Variants in PTGS2 observed in about 807,000 individuals in gnomAD.
PTGS2 encodes the protein prostaglandin G/H synthase 2.
In PTGS2, 14 loss-of-function variants were observed where a neutral mutation model predicts 63.8. The ratio of observed to expected loss-of-function variants is 0.22; its 90% CI spans 0.14 to 0.34. The LOEUF (loss-of-function observed/expected upper bound fraction) is 0.34. PTGS2 is among the 10% of genes least tolerant of loss of function. PTGS2 has a pLI of 1.00. For missense variants in PTGS2, 533 were observed against 738.5 expected (o/e 0.72, Z 3.23); for synonymous variants, 271 against 259.5 (o/e 1.04, Z -0.43).
intron 5 of PTGS2, 61 bp from the exon 6 acceptor site, chr1:186,676,977 C>A: frequency 2.5e-6 from 3 of 1,185,034 alleles, no homozygotes; most frequent in South Asian, 1.4e-5. Context: ...TATAAAGTGT[C>A]TATCATATAA....
intron 6 of PTGS2, 27 bp from the exon 7 acceptor site, chr1:186,676,740 A>G: frequency 2.5e-6 from 4 of 1,599,252 alleles, no homozygotes; most frequent in Non-Finnish European, 3.4e-6. Context: ...ATAAATAAAC[A>G]TCAGTTAAAA....
chr1:186,678,976 G>A (rs930517459), intron 3 of PTGS2, 82 bp downstream of exon 3: 11 of 1,459,368 alleles, frequency 7.5e-6, no homozygotes, highest in Non-Finnish European at 1.0e-5. Flanking sequence ...TTGGAAATAT[G>A]TTTTTAGATT....
Position 186,672,725 on chromosome 1 carries a change from G to A in PTGS2, c.*1628C>T, listed in dbSNP as rs200482826. On this transcript the variant is annotated 3_prime_UTR_variant, in exon 10 of 10. Transcript: ENST00000367468. ...TGGTTTTGTTTTTAAATAAGAAAGGGCATTAATTAGAATGGGAACGTAACT... is the reference window on the plus strand; with the variant it reads ...TGGTTTTGTTTTTAAATAAGAAAGGACATTAATTAGAATGGGAACGTAACT... 1.2e-4 allele frequency: 18 copies of A among 152,460 alleles called. No individual in the cohort carries two copies. The highest frequency in any genetic ancestry group is 2.6e-4 in the Non-Finnish European group (18 of 67,970). 9.4% of individuals were successfully genotyped at this position (152,460 alleles called of 1,614,324 possible). A position where few individuals can be genotyped will look rare whatever the true frequency, so the allele number is the denominator to read the frequency against.
Position 186,675,328 on chromosome 1 carries a change from C to A in PTGS2, c.1326G>T (p.Arg442Ser). 6.2e-7 allele frequency: 1 copy of A among 1,614,190 alleles called. No homozygotes were observed. Among genetic ancestry groups the A allele is most frequent in the South Asian group, 1.1e-5 (1 of 91,084 alleles). ...CATTAAAAGACTGGTATTTCATCTG[C>A]CTGCTCTGGTCAATGGAAGCCTGTG... ...KVSQASIDQS[R>S]QMKYQSFNEY... Residue 442 changes from arginine (R) to serine (S), a missense_variant, in exon 9 of 10, where the codon AGG (arginine) becomes AGT (serine). Coordinates refer to ENST00000367468, the MANE Select transcript of PTGS2 (RefSeq NM_000963.4).
At chr1:186,679,743 C>G (rs1208925676) in intron 1 of PTGS2, among the ~76,000 whole-genome samples, 18 of 151,956 alleles carry the variant, frequency 1.2e-4, no homozygotes, top group African/African-American at 4.1e-4. Context: ...CTTCACTTTC[C>G]AAATTAAAAT....
rs1558250392 is a variant in PTGS2, at chr1:186,678,419, G to C, written c.314-15C>G. On this transcript the variant is annotated splice_polypyrimidine_tract_variant and intron_variant, in intron 3 of 9. Coordinates refer to ENST00000367468, the MANE Select transcript of PTGS2 (RefSeq NM_000963.4). Reference sequence around the variant, plus strand: ...ATGTGATCTGGCTGAAATTTTCAAAGAAAAAAATGTTTTATTTATTCTCAT... The same window carrying C: ...ATGTGATCTGGCTGAAATTTTCAAACAAAAAAATGTTTTATTTATTCTCAT... 4 of 1,566,194 alleles carry C rather than the reference G, an allele frequency of 2.6e-6. No individual in the cohort carries two copies. In the Admixed American group the frequency reaches 5.9e-5, roughly 23 times the overall value.
At chr1:186,675,142 A>G in intron 9 of PTGS2, 107 bp downstream of exon 9, 1 of 1,431,030 alleles carries the variant, frequency 7.0e-7, no homozygotes, top group South Asian at 1.2e-5. Context: ...GCGCCACTGC[A>G]CTCCAGCCTG....
chr1:186,676,458 C>T lies in PTGS2; in HGVS notation c.970+9G>A. The stretch of plus-strand genomic sequence containing the variant: ...AAGAGGGTTTTATATAAATCATTTT[C>T]TTGTTTACCTATCAGTATTAGCCTG... On this transcript the variant is annotated intron_variant, in intron 7 of 9. Transcript: ENST00000367468. 1 of 1,611,456 alleles carries T rather than the reference C, an allele frequency of 6.2e-7. No individual in the cohort carries two copies. The highest frequency in any genetic ancestry group is 8.5e-7 in the Non-Finnish European group (1 of 1,178,184).
chr1:186,679,068 A>G lies in PTGS2; in HGVS notation c.303T>C (p.Tyr101=), dbSNP rs147896616. 2.0e-5 allele frequency: 33 copies of G among 1,613,676 alleles called. No homozygotes were observed. The highest frequency in any genetic ancestry group is 1.5e-5 in the Non-Finnish European group (18 of 1,179,896). ...GACACTTGTACTTACATGTCAACAC[A>G]TAACTCATAATTGCATTTCGAAGGA... ...IPFLRNAIMS[Y]VLTSRSHLID... The change falls in exon 3 of 10, where the codon TAT becomes TAC. Residue 101 remains tyrosine, a synonymous_variant. Transcript: ENST00000367468.
Position 186,676,284 on chromosome 1 carries a change from C to T in PTGS2, c.971-100G>A. 2.2e-6 allele frequency: 3 copies of T among 1,385,674 alleles called. No individual in the cohort carries two copies. The South Asian group carries it at 4.3e-5, about 20-fold the overall frequency. The allele number at this position is 1,385,674 out of a possible 1,614,324, so 85.8% of individuals were successfully genotyped here. On this transcript the variant is annotated intron_variant, in intron 7 of 9. Transcript: ENST00000367468. The stretch of plus-strand genomic sequence containing the variant: ...TTTAAAATTTGCTATTCCTTCATTT[C>T]TGTTTTCTTCCTTGTCAGTATCAAA...
In PTGS2 at chr1:186,676,722, AT is replaced by A. The variant is rs199545927; in HGVS notation, c.724-10del. ...ATCTCTCCATCAATTATCTAAAAAAATAAATAAATAAATAAACATCAGTTAA... is the reference window on the plus strand; with the variant it reads ...ATCTCTCCATCAATTATCTAAAAAAAAAATAAATAAATAAACATCAGTTAA... On this transcript the variant is annotated splice_polypyrimidine_tract_variant and intron_variant, in intron 6 of 9. Coordinates refer to ENST00000367468, the MANE Select transcript of PTGS2 (RefSeq NM_000963.4). The A allele has an allele frequency of 3.2e-4, 466 of 1,448,750 alleles. 4 individuals carry two copies. In the East Asian group the frequency reaches 9.8e-3, roughly 31 times the overall value. 89.7% of individuals were successfully genotyped at this position (1,448,750 alleles called of 1,614,324 possible).
At position 186,674,552 on chromosome 1, in the gene PTGS2, TCTC is replaced by T. The variant is rs1665746502; in HGVS notation, c.1613_1615del (p.Gly538del). The stretch of plus-strand genomic sequence containing the variant: ...AGTGTTGATGATTTGAAAACCCACT[TCTC>T]CACCAAAAGTGCTTGGCTTCCAGTA... On this transcript the variant is annotated inframe_deletion, in exon 10 of 10. Coordinates refer to ENST00000367468, the MANE Select transcript of PTGS2 (RefSeq NM_000963.4). 5.0e-6 allele frequency: 8 copies of T among 1,614,180 alleles called. No homozygotes were observed. The highest frequency in any genetic ancestry group is 6.8e-6 in the Non-Finnish European group (8 of 1,180,020).
At chr1:186,679,501 A>G (rs1043519847) in intron 1 of PTGS2, 63 bp from the exon 2 acceptor site, 2 of 1,211,614 alleles carry the variant, frequency 1.7e-6, no homozygotes, top group East Asian at 4.8e-5. Context: ...TAAACATTTA[A>G]TTGTTTGACT....
chr1:186,676,959 T>G, intron 5 of PTGS2, 43 bp from the exon 6 acceptor site: 1 of 1,435,824 alleles, frequency 7.0e-7, no homozygotes, highest in African/African-American at 1.4e-5. Context: ...CTGTTGAAGT[T>G]TTTCTTATAT....
Position 186,674,604 on chromosome 1 carries a change from C to T in PTGS2, c.1564G>A (p.Gly522Ser). Residue 522 changes from glycine to serine, a missense_variant, in exon 10 of 10, where the codon GGT (glycine) becomes AGT (serine). Coordinates refer to ENST00000367468, the MANE Select transcript of PTGS2 (RefSeq NM_000963.4). ...GAPFSLKGLM[G>S]NVICSPAYWK... The stretch of plus-strand genomic sequence containing the variant: ...TAGGCAGGAGAACATATAACATTAC[C>T]CATAAGTCCTTTCAAGGAGAATGGT... 1.2e-6 allele frequency: 2 copies of T among 1,614,140 alleles called. No individual in the cohort carries two copies. Among genetic ancestry groups the T allele is most frequent in the African/African-American group, 1.3e-5 (1 of 75,030 alleles).
At position 186,674,342 on chromosome 1, in the gene PTGS2, T is replaced by C; in HGVS notation, c.*11A>G. The C allele has an allele frequency of 6.6e-7, 1 of 1,511,056 alleles. No individual in the cohort carries two copies. Among genetic ancestry groups the C allele is most frequent in the Admixed American group, 2.0e-5 (1 of 50,390 alleles). 93.6% of individuals were successfully genotyped at this position (1,511,056 alleles called of 1,614,324 possible). On this transcript the variant is annotated 3_prime_UTR_variant, in exon 10 of 10. Transcript: ENST00000367468. Reference sequence around the variant, plus strand: ...GGTTCATATAAATAAATAAATATGATCATTAGACTTCTACAGTTCAGTCGA... The same window carrying C: ...GGTTCATATAAATAAATAAATATGACCATTAGACTTCTACAGTTCAGTCGA...
Position 186,676,836 on chromosome 1 carries a change from A to G in PTGS2, c.720T>C (p.Tyr240=), listed in dbSNP as rs1181816669. ...TTAATAGTCAAAGGAAGCATACCTG[A>G]TATTTCATTTTTCCATCCTTGAAAA... ...LRLFKDGKMK[Y]QIIDGEMYPP... The change falls in exon 6 of 10, where the codon TAT becomes TAC. Residue 240 remains tyrosine (Y), a synonymous_variant. Transcript: ENST00000367468. The G allele has an allele frequency of 5.0e-6, 8 of 1,610,102 alleles. No individual in the cohort carries two copies. The East Asian group carries it at 8.9e-5, about 18-fold the overall frequency.
At chr1:186,679,257 A>C in intron 2 of PTGS2, 56 bp from the exon 3 acceptor site, 1 of 1,612,162 alleles carries the variant, frequency 6.2e-7, no homozygotes, top group East Asian at 2.2e-5. Flanking sequence ...TATAAGACAC[A>C]AATCTATACA....
In PTGS2 at chr1:186,679,907, A is replaced by G. The variant is rs1665846569; in HGVS notation, c.52+332T>C. Among the ~76,000 whole-genome samples the G allele has an allele frequency of 2.0e-5, 3 of 152,200 alleles. No homozygotes were observed. The South Asian group carries it at 6.2e-4, about 32-fold the overall frequency. On this transcript the variant is annotated intron_variant, in intron 1 of 9. Transcript: ENST00000367468. ...TAAAACAACTTCTTCCACTCAATAA[A>G]AAGGTTCCAAATATAAACAATTCAC...
Sources: allele counts gnomAD v4.1 joint callset (sites outside exome capture counted in the v4.1 genomes callset), GRCh38; gene constraint gnomAD v4.1.1; transcripts MANE v1.5; gene names NCBI Gene and HGNC (gene_info 2026-07-23, HGNC 2026-07-21).